The following MYLK variants were observed in gnomAD, a reference collection of about 807,000 sequenced individuals.
MYLK encodes myosin light chain kinase, also known as myosin light chain kinase, smooth muscle.
Under a neutral mutation model 203.4 loss-of-function variants are expected in MYLK, and 106 were observed. The ratio of observed to expected loss-of-function variants is 0.52; its 90% CI spans 0.45 to 0.61. The LOEUF (loss-of-function observed/expected upper bound fraction) is 0.61, where lower values mean the gene tolerates loss of function less well. Among genes scored for constraint, MYLK ranks in the 20% least tolerant of loss-of-function variants. The probability of loss-of-function intolerance (pLI) is 0.00; values close to 1 mark genes in which losing one functional copy is unlikely to be tolerated. For synonymous variants in MYLK, 867 were observed against 959.5 expected (o/e 0.90, Z 1.78); for missense variants, 2,072 against 2,442.3 (o/e 0.85, Z 3.20).
At chr3:123,776,999 G>C (rs558058453) in intron 4 of MYLK, among the ~76,000 whole-genome samples, 98 of 152,322 alleles carry the variant, frequency 6.4e-4, no homozygotes, top group Non-Finnish European at 1.2e-3. Context: ...AATAAAGACC[G>C]AGAGCAAAGC....
chr3:123,647,545 T>A, intron 26 of MYLK, 118 bp from the exon 27 acceptor site: 1 of 860,640 alleles, frequency 1.2e-6, no homozygotes, highest in Non-Finnish European at 1.9e-6. Flanking sequence ...ATAAGTAAGG[T>A]GTTACTGGAG....
intron 4 of MYLK, among the ~76,000 whole-genome samples, chr3:123,791,058 G>A (rs1422106750): frequency 6.6e-6 from 1 of 152,196 alleles, no homozygotes; most frequent in Non-Finnish European, 1.5e-5. Flanking sequence ...CATCCTGAGA[G>A]TGATACCAGG....
At chr3:123,866,977 T>TAGAACACCC (rs1212724340) in intron 2 of MYLK, among the ~76,000 whole-genome samples, 1 of 152,142 alleles carries the variant, frequency 6.6e-6, no homozygotes, top group Non-Finnish European at 1.5e-5. Flanking sequence ...CACTGGCTCC[T>TAGAACACCC]AGAACACCCC....
At chr3:123,637,162 G>A (rs2058671415) in intron 29 of MYLK, among the ~76,000 whole-genome samples, 1 of 152,158 alleles carries the variant, frequency 6.6e-6, no homozygotes, top group Non-Finnish European at 1.5e-5. Context: ...ATACACATCT[G>A]CATCTTTGGG....
chr3:123,825,517 T>C lies in MYLK; in HGVS notation c.-4+6031A>G, dbSNP rs1011304883. On this transcript the variant is annotated intron_variant, in intron 3 of 33. Transcript: ENST00000360304. ...AGTCCTTACAAGTCCTGGGCCCAGT[T>C]TGGAGAGCCACTGGAATTCACACAG... Among the ~76,000 whole-genome samples the C allele has an allele frequency of 2.0e-5, 3 of 152,184 alleles. No homozygotes were observed. The South Asian group carries it at 6.2e-4, about 32-fold the overall frequency.
intron 19 of MYLK, chr3:123,692,332 AC>A (rs2060709360): frequency 8.6e-7 from 1 of 1,164,996 alleles, no homozygotes; most frequent in Admixed American, 3.8e-5. Flanking sequence ...CCTCCTCCTC[AC>A]GGCTGACCCT....
chr3:123,845,103 T>C (rs2066682822), intron 2 of MYLK, among the ~76,000 whole-genome samples: 1 of 152,146 alleles, frequency 6.6e-6, no homozygotes, highest in Non-Finnish European at 1.5e-5. Flanking sequence ...GCAAAGATAA[T>C]TCTAGGAAGC....
intron 21 of MYLK, 111 bp downstream of exon 21, chr3:123,667,026 C>T (rs1415611928): frequency 1.0e-6 from 1 of 978,014 alleles, no homozygotes; most frequent in Non-Finnish European, 1.7e-6. Context: ...GGTGGGGTTG[C>T]AGTGGGGTGT....
chr3:123,732,794 A>G lies in MYLK; in HGVS notation c.1516+102T>C, dbSNP rs2062526953. On this transcript the variant is annotated intron_variant, in intron 11 of 33. Transcript: ENST00000360304. The stretch of plus-strand genomic sequence containing the variant: ...TGACATTTCTGTCGGGCTGTGCACC[A>G]AGGCAGGGGGCTATAGGAGATGAAC... 7.6e-6 allele frequency: 9 copies of G among 1,177,076 alleles called. No individual in the cohort carries two copies. The Admixed American group carries it at 1.7e-4, about 23-fold the overall frequency. The allele number at this position is 1,177,076 out of a possible 1,614,324, so 72.9% of individuals were successfully genotyped here.
chr3:123,799,429 C>T (rs2065114076), intron 3 of MYLK, among the ~76,000 whole-genome samples: 1 of 152,130 alleles, frequency 6.6e-6, no homozygotes, highest in Non-Finnish European at 1.5e-5. Flanking sequence ...CAAGTAATAC[C>T]ACAGAACAAG....
In MYLK at chr3:123,629,676, G is replaced by T; in HGVS notation, c.4962-50C>A. 1 of 1,606,176 alleles carries T rather than the reference G, an allele frequency of 6.2e-7. No individual in the cohort carries two copies. Among genetic ancestry groups the T allele is most frequent in the South Asian group, 1.1e-5 (1 of 90,736 alleles). On this transcript the variant is annotated intron_variant, in intron 29 of 33. Coordinates refer to ENST00000360304, the MANE Select transcript of MYLK (RefSeq NM_053025.4). The surrounding 1 kb of genome is among the most constrained non-coding windows in gnomAD (Gnocchi z 4.4). ...AGGTGTGGCTAGGAGAGGGCGCGAC[G>T]ACCAGGTGAGTGGTAACTGAGGTCA...
At chr3:123,691,727 G>A (rs1236043765) in intron 19 of MYLK, 1 of 152,230 alleles carries the variant, frequency 6.6e-6, no homozygotes, top group Non-Finnish European at 1.5e-5. Context: ...TGGGCTTCAA[G>A]ATGCCTTATT....
At position 123,733,043 on chromosome 3, in the gene MYLK, G is replaced by C. The variant is rs2062541379; in HGVS notation, c.1369C>G (p.Gln457Glu). The C allele has an allele frequency of 6.2e-7, 1 of 1,614,022 alleles. No individual in the cohort carries two copies. Among genetic ancestry groups the C allele is most frequent in the Non-Finnish European group, 8.5e-7 (1 of 1,180,034 alleles). Residue 457 changes from glutamine (Q) to glutamate (E), a missense_variant, in exon 11 of 34, where the codon CAG (glutamine) becomes GAG (glutamate). Physicochemically the swap from Gln to Glu is conservative, Grantham distance 29 (BLOSUM62 2). Coordinates refer to ENST00000360304, the MANE Select transcript of MYLK (RefSeq NM_053025.4). ...WFLEGTPVRR[Q>E]EGSIEVYEDA... ...TCATAAACCTCAATGCTGCCTTCCT[G>C]TCTCCTCACGGGGGTGCCTTCCAGG... is the stretch of plus-strand genomic sequence containing the variant.
chr3:123,669,648 T>C (rs1374370138), intron 20 of MYLK, among the ~76,000 whole-genome samples: 1 of 152,102 alleles, frequency 6.6e-6, no homozygotes, highest in Non-Finnish European at 1.5e-5. Context: ...TCATGGTATA[T>C]ACATATATAT....
chr3:123,694,594 C>T (rs192928698), intron 18 of MYLK, among the ~76,000 whole-genome samples: 70 of 152,374 alleles, frequency 4.6e-4, no homozygotes, highest in African/African-American at 1.4e-3. Context: ...CCACCCCCAA[C>T]GCACATCCTG....
At chr3:123,820,249 T>C (rs955764161) in intron 3 of MYLK, among the ~76,000 whole-genome samples, 8 of 152,186 alleles carry the variant, frequency 5.3e-5, no homozygotes, top group Non-Finnish European at 1.0e-4. Context: ...AACAGCTGAC[T>C]AACCCACATC....
intron 2 of MYLK, among the ~76,000 whole-genome samples, chr3:123,871,684 C>T (rs1009050184): frequency 2.0e-5 from 3 of 151,560 alleles, no homozygotes; most frequent in African/African-American, 7.3e-5. Flanking sequence ...AAAATCATGC[C>T]GCAAAACAAC....
intron 24 of MYLK, among the ~76,000 whole-genome samples, chr3:123,651,071 G>T (rs2059196030): frequency 6.6e-6 from 1 of 152,204 alleles, no homozygotes; most frequent in Non-Finnish European, 1.5e-5. Flanking sequence ...TGGCAAGCAA[G>T]ACCACTGAAG....
chr3:123,634,017 C>G (rs764793268), intron 29 of MYLK, among the ~76,000 whole-genome samples: 6 of 152,066 alleles, frequency 3.9e-5, no homozygotes, highest in Non-Finnish European at 8.8e-5. Context: ...ACAGATGCCC[C>G]GACTGTACCA....
Sources: gnomAD v4.1 joint callset for allele counts (sites outside exome capture counted in the v4.1 genomes callset) on GRCh38, gnomAD v4.1.1 for gene constraint, Gnocchi (gnomAD v3.1) non-coding constraint, MANE v1.5 for transcripts, NCBI Gene and HGNC (gene_info 2026-07-23, HGNC 2026-07-21) for gene names.